Variants in PLAGL1 observed in about 807,000 individuals in gnomAD.
PLAGL1 encodes PLAG1 like zinc finger 1, also known as zinc finger protein PLAGL1.
PLAGL1 carries 1 observed loss-of-function variant against 4.6 expected under a neutral mutation model. The observed-to-expected ratio is 0.22, with a 90% CI of 0.08 to 1.03. The LOEUF is 1.03. Among genes scored for constraint, PLAGL1 ranks in the 50% least tolerant of loss-of-function variants. The pLI, the probability that PLAGL1 is intolerant of heterozygous loss-of-function variation, is 0.58. For synonymous variants in PLAGL1, 240 were observed against 237.8 expected, an observed-to-expected ratio of 1.01 and a Z score of -0.08; for missense variants, 464 against 570.4, an observed-to-expected ratio of 0.81 and a Z score of 1.90.
intron 1 of PLAGL1, among the ~76,000 whole-genome samples, chr6:144,044,292 C>T (rs745868484): frequency 6.6e-6 from 1 of 152,192 alleles, no homozygotes; most frequent in Non-Finnish European, 1.5e-5. Context: ...TTAGATCTTT[C>T]CTGCTTTGTC....
intron 1 of PLAGL1, among the ~76,000 whole-genome samples, chr6:144,054,798 TG>T (rs1327380309): frequency 2.0e-5 from 3 of 151,608 alleles, no homozygotes; most frequent in African/African-American, 7.3e-5. Context: ...TGTGTGTGTG[TG>T]TGTGTGTGTG....
rs1173002276 is a variant in PLAGL1, at chr6:143,945,936, C to T, written c.152+2049G>A. Among the ~76,000 whole-genome samples, 1 of 152,126 alleles carries T rather than the reference C, an allele frequency of 6.6e-6. No individual in the cohort carries two copies. Among genetic ancestry groups the T allele is most frequent in the African/African-American group, 2.4e-5 (1 of 41,420 alleles). On this transcript the variant is annotated intron_variant, in intron 7 of 7. Coordinates refer to ENST00000674357, the MANE Select transcript of PLAGL1 (RefSeq NM_001317162.2). The surrounding 1 kb of genome is among the most constrained non-coding windows in gnomAD (Gnocchi z 4.2). ...CTTCCCTTTTTGCCTCTCTTTACAC[C>T]CTTAACTGAACAAGCCATTTTCCTT... is the stretch of plus-strand genomic sequence containing the variant.
intron 1 of PLAGL1, among the ~76,000 whole-genome samples, chr6:144,049,361 A>G (rs1022812642): frequency 1.3e-5 from 2 of 152,196 alleles, no homozygotes; most frequent in African/African-American, 4.8e-5. Flanking sequence ...CTTTATAGCA[A>G]TACCCCACTA....
chr6:143,958,877 C>T lies in PLAGL1; in HGVS notation c.-325+1592G>A, dbSNP rs1782741316. The stretch of plus-strand genomic sequence containing the variant: ...GAGAAAGCTTAAAAAGAGTGGAACA[C>T]TAGCAAGCAGGGCCTCTTCTCCTTT... On this transcript the variant is annotated intron_variant, in intron 6 of 7. Transcript: ENST00000674357. The surrounding 1 kb of genome is among the most constrained non-coding windows in gnomAD (Gnocchi z 5.1). 6.6e-6 allele frequency among the ~76,000 whole-genome samples: 1 copy of T among 152,174 alleles called. No homozygotes were observed. Among genetic ancestry groups the T allele is most frequent in the African/African-American group, 2.4e-5 (1 of 41,432 alleles).
upstream of PLAGL1, chr6:144,008,737 C>T (rs769073336): frequency 2.6e-5 from 4 of 152,316 alleles, no homozygotes; most frequent in Non-Finnish European, 4.4e-5. The surrounding 1 kb of genome is among the most constrained non-coding windows in gnomAD (Gnocchi z 6.9). Flanking sequence ...TAACTTACCT[C>T]CTGTGCCAGC....
chr6:144,062,392 A>G (rs191746787), intron 1 of PLAGL1, among the ~76,000 whole-genome samples: 4 of 151,564 alleles, frequency 2.6e-5, no homozygotes, highest in East Asian at 1.9e-4. Context: ...AAAAAAAAAA[A>G]AGAGAGAGAC....
At chr6:144,047,975 G>T (rs1398305974) in intron 1 of PLAGL1, among the ~76,000 whole-genome samples, 2 of 152,050 alleles carry the variant, frequency 1.3e-5, no homozygotes, top group East Asian at 1.9e-4. Context: ...ATACAATGAG[G>T]GTACAAGCAT....
intron 1 of PLAGL1, among the ~76,000 whole-genome samples, chr6:143,999,712 T>C (rs1290023301): frequency 6.6e-6 from 1 of 152,204 alleles, no homozygotes; most frequent in Non-Finnish European, 1.5e-5. Context: ...ATGAAAAAAT[T>C]AAAACAGTAA....
chr6:143,942,389 C>T lies in PLAGL1; in HGVS notation c.427G>A (p.Ala143Thr). 1 of 1,614,174 alleles carries T rather than the reference C, an allele frequency of 6.2e-7. No individual in the cohort carries two copies. The highest frequency in any genetic ancestry group is 8.5e-7 in the Non-Finnish European group (1 of 1,180,018). Residue 143 changes from alanine (A) to threonine (T), a missense_variant, in exon 8 of 8, where the codon GCG becomes ACG. Transcript: ENST00000674357. The surrounding 1 kb of genome is among the most constrained non-coding windows in gnomAD (Gnocchi z 7.6). ...EVLLDHLKAH[A>T]EEKPPSGTKE... Reference sequence around the variant, plus strand: ...GTTCCGCTAGGGGGCTTCTCTTCCGCATGGGCTTTGAGGTGGTCCAGTAGC... The same window carrying T: ...GTTCCGCTAGGGGGCTTCTCTTCCGTATGGGCTTTGAGGTGGTCCAGTAGC...
At chr6:143,996,871 T>C (rs1318790509) in intron 1 of PLAGL1, among the ~76,000 whole-genome samples, 1 of 152,164 alleles carries the variant, frequency 6.6e-6, no homozygotes, top group Non-Finnish European at 1.5e-5. Context: ...TCTCACATCA[T>C]ACAGAAATTA....
intron 1 of PLAGL1, among the ~76,000 whole-genome samples, chr6:144,045,224 T>G (rs922518359): frequency 3.9e-5 from 6 of 152,096 alleles, no homozygotes; most frequent in Admixed American, 6.5e-5. Context: ...GATCCTGTCA[T>G]TATGATGTTA....
chr6:144,015,244 T>C lies in PLAGL1; in HGVS notation c.-150-46266A>G, dbSNP rs1054337666. On this transcript the variant is annotated intron_variant, in intron 1 of 3. Transcript: ENST00000437412. The surrounding 1 kb of genome is among the most constrained non-coding windows in gnomAD (Gnocchi z 4.3). ...ACATGTTGAAATAATATTTTAGATA[T>C]ATTGCATATAATTCAAAGTAACTTA... 2.6e-5 allele frequency among the ~76,000 whole-genome samples: 4 copies of C among 152,246 alleles called. No homozygotes were observed. The highest frequency in any genetic ancestry group is 9.6e-5 in the African/African-American group (4 of 41,468).
chr6:144,003,885 A>G (rs183316369), intron 1 of PLAGL1, among the ~76,000 whole-genome samples: 3 of 152,342 alleles, frequency 2.0e-5, no homozygotes, highest in African/African-American at 7.2e-5. Flanking sequence ...AAAACCATCA[A>G]TTCAACTCCT....
At position 143,973,847 on chromosome 6, in the gene PLAGL1, G is replaced by A. The variant is rs763901952; in HGVS notation, c.-543-4869C>T. Among the ~76,000 whole-genome samples, 1 of 152,166 alleles carries A rather than the reference G, an allele frequency of 6.6e-6. No homozygotes were observed. The highest frequency in any genetic ancestry group is 1.5e-5 in the Non-Finnish European group (1 of 68,030). On this transcript the variant is annotated intron_variant, in intron 2 of 7. Transcript: ENST00000674357. This position sits in a 1 kb window ranked among gnomAD's most constrained non-coding sequence, Gnocchi z 6.2. ...GATCTCCAGAGCTGCAGTTTCTAGGGTTACCCTAAGGGGTGATCTCCAGAG... is the reference window on the plus strand; with the variant it reads ...GATCTCCAGAGCTGCAGTTTCTAGGATTACCCTAAGGGGTGATCTCCAGAG...
intron 1 of PLAGL1, among the ~76,000 whole-genome samples, chr6:144,031,467 A>C (rs1016836794): frequency 2.0e-5 from 3 of 152,216 alleles, no homozygotes; most frequent in African/African-American, 7.2e-5. Context: ...ATCTTCTAGA[A>C]CTTTTACAGT....
chr6:144,032,682 C>T (rs183794094), intron 1 of PLAGL1, among the ~76,000 whole-genome samples: 1 of 152,272 alleles, frequency 6.6e-6, no homozygotes, highest in Non-Finnish European at 1.5e-5. Flanking sequence ...CTGCTTCAGC[C>T]TTCCAAGTAG....
chr6:143,985,982 T>TTATATATATATATATATATATA lies in PLAGL1; in HGVS notation c.-583-830_-583-809dup, dbSNP rs55768066. 7.5e-3 allele frequency among the ~76,000 whole-genome samples: 833 copies of TTATATATATATATATATATATA among 111,422 alleles called. 52 individuals are homozygous for TTATATATATATATATATATATA. The highest frequency in any genetic ancestry group is 0.016 in the South Asian group (54 of 3,302). The allele number at this position is 111,422 out of a possible 152,430, so 73.1% of individuals were successfully genotyped here. A position where few individuals can be genotyped will look rare whatever the true frequency, so the allele number is the denominator to read the frequency against. ...TATATCAAATTATATATATATAAAA[T>TTATATATATATATATATATATA]TATATATATATATATATATATATAT... On this transcript the variant is annotated intron_variant, in intron 1 of 7. Coordinates refer to ENST00000674357, the MANE Select transcript of PLAGL1 (RefSeq NM_001317162.2). The surrounding 1 kb of genome is among the most constrained non-coding windows in gnomAD (Gnocchi z 4.4).
At chr6:144,020,098 C>T (rs949736495) in intron 1 of PLAGL1, among the ~76,000 whole-genome samples, 3 of 152,084 alleles carry the variant, frequency 2.0e-5, no homozygotes, top group African/African-American at 4.8e-5. Context: ...AGCTCACTTC[C>T]TCCTTCTCTC....
In PLAGL1 at chr6:143,963,933, C is replaced by G. The variant is rs181905973; in HGVS notation, c.-399+854G>C. The stretch of plus-strand genomic sequence containing the variant: ...GCTTTGTAATCCCTTGTATTTTCAT[C>G]CAGCTGAAGACAGAAGCATTCTGAA... On this transcript the variant is annotated intron_variant, in intron 5 of 7. Transcript: ENST00000674357. This position sits in a 1 kb window ranked among gnomAD's most constrained non-coding sequence, Gnocchi z 6.1. 1.1e-4 allele frequency among the ~76,000 whole-genome samples: 17 copies of G among 152,294 alleles called. No homozygotes were observed. The highest frequency in any genetic ancestry group is 3.6e-4 in the African/African-American group (15 of 41,560).
Sources: gnomAD v4.1 joint callset for allele counts (sites outside exome capture counted in the v4.1 genomes callset) on GRCh38, gnomAD v4.1.1 for gene constraint, Gnocchi (gnomAD v3.1) non-coding constraint, MANE v1.5 for transcripts, NCBI Gene and HGNC (gene_info 2026-07-23, HGNC 2026-07-21) for gene names.